Variants in SH3BGRL2 observed in about 807,000 individuals in gnomAD.
SH3BGRL2 encodes SH3 domain binding glutamate rich protein like 2.
SH3BGRL2 carries 21 observed loss-of-function variants against 14.8 expected under a neutral mutation model. The observed-to-expected ratio is 1.42, with a 90% confidence interval of 1.01 to 2.05. SH3BGRL2 has a LOEUF of 2.05. SH3BGRL2 is among the 30% of genes most tolerant of loss of function. SH3BGRL2 has a pLI of 0.00. For synonymous variants in SH3BGRL2, 50 were observed against 47.8 expected (o/e 1.05, Z -0.19); for missense variants, 147 against 130.8 (o/e 1.12, Z -0.61).
the SH3BGRL2 span, among the ~76,000 whole-genome samples, chr6:79,558,933 G>A: frequency 6.6e-6 from 1 of 152,086 alleles, no homozygotes; most frequent in Non-Finnish European, 1.5e-5. Flanking sequence ...GAAGAAGGAG[G>A]TGGTGGAGAT....
At chr6:79,590,150 A>T in the SH3BGRL2 span, among the ~76,000 whole-genome samples, 1 of 152,076 alleles carries the variant, frequency 6.6e-6, no homozygotes, top group African/African-American at 2.4e-5. Flanking sequence ...TCAAAAAAAT[A>T]ACAAATGCTG....
At chr6:79,671,961 A>G (rs1289359921) in intron 1 of SH3BGRL2, among the ~76,000 whole-genome samples, 1 of 152,180 alleles carries the variant, frequency 6.6e-6, no homozygotes, top group East Asian at 1.9e-4. Flanking sequence ...GTGATTTGCT[A>G]TTAGTACTAG....
At chr6:79,551,680 A>G in the SH3BGRL2 span, among the ~76,000 whole-genome samples, 210 of 152,310 alleles carry the variant, frequency 1.4e-3, 5 homozygotes, top group African/African-American at 4.8e-3. Flanking sequence ...AGCTATGAAT[A>G]TTCATGAAGG....
At chr6:79,601,936 C>CA in the SH3BGRL2 span, among the ~76,000 whole-genome samples, 2 of 151,850 alleles carry the variant, frequency 1.3e-5, no homozygotes, top group African/African-American at 2.4e-5. Flanking sequence ...CCACCCCCCA[C>CA]AAAAAAACCC....
At chr6:79,625,237 C>T in the SH3BGRL2 span, among the ~76,000 whole-genome samples, 2 of 150,310 alleles carry the variant, frequency 1.3e-5, no homozygotes, top group Non-Finnish European at 3.0e-5. Context: ...TATATATACA[C>T]ATATATATAT....
chr6:79,550,410 C>T, the SH3BGRL2 span, among the ~76,000 whole-genome samples: 1 of 152,118 alleles, frequency 6.6e-6, no homozygotes, highest in Admixed American at 6.5e-5. Context: ...GGATTTTTCC[C>T]TAAGGTAATC....
At chr6:79,541,096 A>C in the SH3BGRL2 span, among the ~76,000 whole-genome samples, 2 of 151,990 alleles carry the variant, frequency 1.3e-5, no homozygotes, top group African/African-American at 4.8e-5. Flanking sequence ...TCTACTAAAA[A>C]TACAAAATTA....
rs1331713385 is a variant in SH3BGRL2 at position 79,700,928 on chromosome 6, T to C, written c.*1419T>C. On this transcript the variant is annotated 3_prime_UTR_variant, in exon 4 of 4. Coordinates refer to ENST00000369838, the MANE Select transcript of SH3BGRL2 (RefSeq NM_031469.4). ...CCTGATTCTGGACTTTTCATTATAA[T>C]TCTGAGCAGGAAATTTATAAGAAAT... The C allele has an allele frequency of 2.0e-5, 3 of 152,188 alleles. No individual in the cohort carries two copies. The highest frequency in any genetic ancestry group is 6.5e-5 in the Admixed American group (1 of 15,276). 9.4% of individuals were successfully genotyped at this position (152,188 alleles called of 1,614,324 possible).
the SH3BGRL2 span, among the ~76,000 whole-genome samples, chr6:79,615,825 T>C: frequency 1.6e-5 from 2 of 123,028 alleles, no homozygotes; most frequent in Non-Finnish European, 3.5e-5. Flanking sequence ...GCCTTTTTTT[T>C]TTCTTTCTTT....
At chr6:79,654,952 AG>A (rs1769375758) in intron 1 of SH3BGRL2, among the ~76,000 whole-genome samples, 2 of 152,198 alleles carry the variant, frequency 1.3e-5, no homozygotes, top group Non-Finnish European at 2.9e-5. Context: ...GTACACTTTA[AG>A]TAAGCTATTA....
chr6:79,596,021 A>G, the SH3BGRL2 span, among the ~76,000 whole-genome samples: 2 of 152,250 alleles, frequency 1.3e-5, no homozygotes, highest in African/African-American at 4.8e-5. Context: ...GGATTTATAG[A>G]TAGTAACAAT....
chr6:79,541,726 A>C, the SH3BGRL2 span, among the ~76,000 whole-genome samples: 1 of 152,214 alleles, frequency 6.6e-6, no homozygotes, highest in South Asian at 2.1e-4. Flanking sequence ...GTTTGCTCAG[A>C]ATAGTGAGGT....
At chr6:79,568,622 A>G in the SH3BGRL2 span, among the ~76,000 whole-genome samples, 1 of 152,214 alleles carries the variant, frequency 6.6e-6, no homozygotes, top group East Asian at 1.9e-4. Context: ...ATGATTACCT[A>G]GGAAGCAAGG....
the SH3BGRL2 span, among the ~76,000 whole-genome samples, chr6:79,616,543 T>C: frequency 6.6e-6 from 1 of 152,204 alleles, no homozygotes; most frequent in African/African-American, 2.4e-5. Context: ...ATGATCCTTG[T>C]TCACTGATTA....
chr6:79,618,903 TGA>T, the SH3BGRL2 span, among the ~76,000 whole-genome samples: 1 of 9,226 alleles, frequency 1.1e-4, no homozygotes, highest in Non-Finnish European at 2.8e-4. Context: ...GGTGACAGAG[TGA>T]GACTCTGTCA....
At chr6:79,686,490 A>T (rs1047994605) in intron 2 of SH3BGRL2, among the ~76,000 whole-genome samples, 2 of 151,650 alleles carry the variant, frequency 1.3e-5, no homozygotes, top group African/African-American at 4.8e-5. Context: ...TATCTTCTAG[A>T]TCTCTAGCCT....
intron 1 of SH3BGRL2, among the ~76,000 whole-genome samples, chr6:79,658,902 G>A (rs1007997596): frequency 1.3e-5 from 2 of 152,208 alleles, no homozygotes; most frequent in African/African-American, 4.8e-5. Flanking sequence ...GTGATGAGGA[G>A]CATTTTTTCA....
At chr6:79,563,503 A>G in the SH3BGRL2 span, among the ~76,000 whole-genome samples, 2 of 152,060 alleles carry the variant, frequency 1.3e-5, no homozygotes, top group African/African-American at 2.4e-5. Flanking sequence ...TTGACCAATG[A>G]AAAAATAGGA....
chr6:79,556,050 C>T, the SH3BGRL2 span, among the ~76,000 whole-genome samples: 2 of 151,066 alleles, frequency 1.3e-5, no homozygotes, highest in African/African-American at 4.9e-5. Flanking sequence ...TTTCATCAAA[C>T]ACATAGCAAG....
Sources: gnomAD v4.1 joint callset for allele counts (sites outside exome capture counted in the v4.1 genomes callset) on GRCh38, gnomAD v4.1.1 for gene constraint, MANE v1.5 for transcripts, NCBI Gene and HGNC (gene_info 2026-07-23, HGNC 2026-07-21) for gene names.